The following MYO5B variants were observed in gnomAD, a reference collection of about 807,000 sequenced individuals.
The protein encoded by MYO5B is myosin VB.
Under a neutral mutation model 229.3 loss-of-function variants are expected in MYO5B, and 143 were observed. The ratio of observed to expected loss-of-function variants is 0.62; its 90% CI spans 0.54 to 0.72. MYO5B has a LOEUF of 0.72. Ranked by LOEUF, MYO5B falls within the 30% of genes least tolerant of loss-of-function variation. The pLI, the probability that MYO5B is intolerant of heterozygous loss-of-function variation, is 0.00. For missense variants in MYO5B, 2,321 were observed against 2,331.0 expected, an observed-to-expected ratio of 1.00 and a Z score of 0.09; for synonymous variants, 918 against 885.2, an observed-to-expected ratio of 1.04 and a Z score of -0.66.
chr18:49,949,720 A>T (rs566284019), intron 14 of MYO5B, among the ~76,000 whole-genome samples: 2 of 152,370 alleles, frequency 1.3e-5, no homozygotes, highest in African/African-American at 4.8e-5. Context: ...ATGAATTTAC[A>T]AACAGGATTT....
intron 4 of MYO5B, among the ~76,000 whole-genome samples, chr18:50,029,985 A>G (rs1050732372): frequency 2.0e-5 from 3 of 152,256 alleles, no homozygotes; most frequent in African/African-American, 4.8e-5. Context: ...ACAGCCCAGA[A>G]TAACAAACCA....
chr18:49,914,795 A>G (rs1376824124), intron 17 of MYO5B, among the ~76,000 whole-genome samples: 1 of 149,362 alleles, frequency 6.7e-6, no homozygotes, highest in Non-Finnish European at 1.5e-5. Context: ...AAAAAAAAAG[A>G]AAAGAAAGAA....
At chr18:50,034,171 T>C (rs1469036556) in intron 4 of MYO5B, among the ~76,000 whole-genome samples, 1 of 152,248 alleles carries the variant, frequency 6.6e-6, no homozygotes, top group Non-Finnish European at 1.5e-5. Flanking sequence ...CAAAGTACAC[T>C]GTGCTAGCCT....
chr18:49,904,196 C>G (rs1161378229), intron 20 of MYO5B, among the ~76,000 whole-genome samples: 1 of 152,238 alleles, frequency 6.6e-6, no homozygotes, highest in African/African-American at 2.4e-5. Flanking sequence ...GTCATAGAGG[C>G]AGATCCCTCA....
At chr18:50,019,790 T>A (rs2026254956) in intron 4 of MYO5B, among the ~76,000 whole-genome samples, 2 of 152,204 alleles carry the variant, frequency 1.3e-5, no homozygotes, top group South Asian at 4.1e-4. Context: ...TCCTCCCTGG[T>A]ACTCAAATTT....
chr18:50,147,973 T>A (rs981915265), intron 1 of MYO5B, among the ~76,000 whole-genome samples: 4 of 151,258 alleles, frequency 2.6e-5, no homozygotes, highest in African/African-American at 9.7e-5. Context: ...AAGAATCAAA[T>A]AGACACAATA....
intron 1 of MYO5B, among the ~76,000 whole-genome samples, chr18:50,166,828 AG>A (rs2032859289): frequency 6.6e-6 from 1 of 152,202 alleles, no homozygotes; most frequent in Non-Finnish European, 1.5e-5. Context: ...TACTTTTCCC[AG>A]CTATAAGACC....
At chr18:50,115,918 G>A (rs2031954718) in intron 1 of MYO5B, among the ~76,000 whole-genome samples, 1 of 152,124 alleles carries the variant, frequency 6.6e-6, no homozygotes, top group Admixed American at 6.5e-5. Flanking sequence ...TAAACGAACA[G>A]GTTTTGAATG....
intron 4 of MYO5B, among the ~76,000 whole-genome samples, chr18:50,012,752 G>A (rs1209902359): frequency 1.3e-5 from 2 of 152,216 alleles, no homozygotes; most frequent in African/African-American, 4.8e-5. Flanking sequence ...TCTCCTGGGT[G>A]ACATTGACTG....
intron 22 of MYO5B, among the ~76,000 whole-genome samples, chr18:49,881,037 A>C (rs1309887738): frequency 1.3e-5 from 2 of 152,200 alleles, no homozygotes; most frequent in Non-Finnish European, 2.9e-5. Flanking sequence ...TTTACTCAAT[A>C]AATACGAAGG....
chr18:49,902,501 G>T, intron 21 of MYO5B, 93 bp downstream of exon 21: 1 of 1,559,994 alleles, frequency 6.4e-7, no homozygotes, highest in Non-Finnish European at 8.7e-7. Context: ...CGGGTCTTCG[G>T]CATGTGCAGT....
At chr18:49,967,467 G>A (rs2025638720) in intron 10 of MYO5B, among the ~76,000 whole-genome samples, 1 of 152,204 alleles carries the variant, frequency 6.6e-6, no homozygotes, top group Non-Finnish European at 1.5e-5. Context: ...TCCTAGCTCA[G>A]CCTGGTCTTT....
At chr18:49,827,486 G>A (rs938757886) in intron 39 of MYO5B, among the ~76,000 whole-genome samples, 1 of 152,164 alleles carries the variant, frequency 6.6e-6, no homozygotes, top group Non-Finnish European at 1.5e-5. Context: ...GCCCCTCCCT[G>A]CTTCCTATTT....
intron 1 of MYO5B, among the ~76,000 whole-genome samples, chr18:50,079,900 A>G (rs2031177663): frequency 6.6e-6 from 1 of 152,184 alleles, no homozygotes; most frequent in Non-Finnish European, 1.5e-5. Flanking sequence ...TTGCCACAGG[A>G]GCACAATGGT....
chr18:50,003,551 A>G (rs558832495), intron 4 of MYO5B, among the ~76,000 whole-genome samples: 6 of 152,298 alleles, frequency 3.9e-5, no homozygotes, highest in South Asian at 2.1e-4. Flanking sequence ...TCTAATCCTA[A>G]TATCTTCATT....
intron 31 of MYO5B, chr18:49,850,202 G>A (rs938650162): frequency 1.1e-5 from 2 of 188,394 alleles, no homozygotes; most frequent in Admixed American, 5.3e-5. Context: ...AAGCCGCTGA[G>A]GGAGGAGTTT....
At chr18:50,027,484 A>G (rs1377370772) in intron 4 of MYO5B, among the ~76,000 whole-genome samples, 1 of 152,184 alleles carries the variant, frequency 6.6e-6, no homozygotes, top group Admixed American at 6.5e-5. Flanking sequence ...CCTTAAGTGA[A>G]GGAGCTTGAC....
At chr18:50,062,996 G>C (rs557764323) in intron 1 of MYO5B, among the ~76,000 whole-genome samples, 107 of 152,264 alleles carry the variant, frequency 7.0e-4, no homozygotes, top group Non-Finnish European at 1.4e-3. Flanking sequence ...TAATGTATAT[G>C]AAATATTTGG....
At chr18:49,907,802 G>A (rs1027775942) in intron 18 of MYO5B, among the ~76,000 whole-genome samples, 2 of 152,248 alleles carry the variant, frequency 1.3e-5, no homozygotes, top group South Asian at 2.1e-4. Context: ...CTGAGTCCCC[G>A]GCCTGGGCCA....
Sources: allele counts gnomAD v4.1 joint callset (sites outside exome capture counted in the v4.1 genomes callset), GRCh38; gene constraint gnomAD v4.1.1; transcripts MANE v1.5; gene names NCBI Gene and HGNC (gene_info 2026-07-23, HGNC 2026-07-21).